Variants in LDAH observed in about 807,000 individuals in gnomAD.
LDAH encodes lipid droplet associated hydrolase, also known as lipid droplet-associated hydrolase.
Under a neutral mutation model 29.6 loss-of-function variants are expected in LDAH, and 26 were observed. That is an observed-to-expected ratio of 0.88 (90% CI 0.64 to 1.22). LDAH has a LOEUF of 1.22. LDAH is among the 50% of genes most tolerant of loss of function. The pLI, the probability that LDAH is intolerant of heterozygous loss-of-function variation, is 0.00. For missense variants in LDAH, 344 were observed against 387.3 expected (o/e 0.89, Z 0.94); for synonymous variants, 117 against 133.0 (o/e 0.88, Z 0.83).
chr2:20,702,402 T>C (rs888204325), intron 5 of LDAH, among the ~76,000 whole-genome samples: 5 of 152,248 alleles, frequency 3.3e-5, no homozygotes, highest in Admixed American at 2.0e-4. Context: ...AGTATGTCTC[T>C]TGAAATCATG....
At chr2:20,809,235 C>CA (rs56974629) in intron 1 of LDAH, among the ~76,000 whole-genome samples, 3,605 of 133,890 alleles carry the variant, frequency 0.027, 65 homozygotes, top group Middle Eastern at 0.072. Context: ...ACTAGAAATA[C>CA]AAAAAAAAAA....
intron 5 of LDAH, among the ~76,000 whole-genome samples, chr2:20,705,775 A>C (rs1179264724): frequency 2.0e-5 from 3 of 152,246 alleles, no homozygotes; most frequent in Non-Finnish European, 4.4e-5. Context: ...ATTAGCAAGA[A>C]CTTAGTGAAA....
intron 3 of LDAH, among the ~76,000 whole-genome samples, chr2:20,790,025 G>T (rs187177651): frequency 1.1e-3 from 169 of 152,226 alleles, no homozygotes; most frequent in African/African-American, 4.0e-3. Flanking sequence ...TTACTAATTG[G>T]TAAATAAAGA....
chr2:20,691,696 TA>T (rs1476342682), intron 6 of LDAH, among the ~76,000 whole-genome samples: 3 of 152,378 alleles, frequency 2.0e-5, no homozygotes, highest in South Asian at 2.1e-4. Context: ...TGAGAGTTGA[TA>T]AAAAGTATAC....
chr2:20,741,454 G>A (rs1236237941), intron 4 of LDAH, among the ~76,000 whole-genome samples: 1 of 152,172 alleles, frequency 6.6e-6, no homozygotes, highest in African/African-American at 2.4e-5. Context: ...TATAAGGTCT[G>A]TGTCTAGATT....
chr2:20,773,692 G>A (rs982174506), intron 4 of LDAH, among the ~76,000 whole-genome samples: 9 of 152,100 alleles, frequency 5.9e-5, no homozygotes, highest in African/African-American at 1.7e-4. Flanking sequence ...AAACCACAGC[G>A]AGGGAGGCTA....
At chr2:20,804,728 A>C (rs938292823) in intron 1 of LDAH, among the ~76,000 whole-genome samples, 11 of 152,298 alleles carry the variant, frequency 7.2e-5, no homozygotes, top group African/African-American at 2.6e-4. Context: ...AGGAAGAAAT[A>C]AACATATTTA....
intron 4 of LDAH, among the ~76,000 whole-genome samples, chr2:20,770,697 C>T (rs943880123): frequency 6.6e-6 from 1 of 152,166 alleles, no homozygotes; most frequent in African/African-American, 2.4e-5. Context: ...ATGAGTCACA[C>T]GAACTTAGCA....
In LDAH at chr2:20,684,992, A is replaced by G. The variant is rs1266721508; in HGVS notation, c.*1911T>C. 9.7e-6 allele frequency: 15 copies of G among 1,540,654 alleles called. No homozygotes were observed. Among genetic ancestry groups the G allele is most frequent in the Non-Finnish European group, 1.2e-5 (14 of 1,141,848 alleles). ...AGAGACTTTGAGCCGAGTCTAACTC[A>G]GGAGAACTGCTCAAATTGTACCCTC... is the stretch of plus-strand genomic sequence containing the variant. On this transcript the variant is annotated 3_prime_UTR_variant, in exon 7 of 7. Transcript: ENST00000237822.
At chr2:20,741,672 A>G (rs112209105) in intron 4 of LDAH, among the ~76,000 whole-genome samples, 4,852 of 152,190 alleles carry the variant, frequency 0.032, 263 homozygotes, top group African/African-American at 0.11. Context: ...TCTACTCCCC[A>G]CTTTATAAGT....
At chr2:20,712,463 A>G (rs1036473236) in intron 5 of LDAH, among the ~76,000 whole-genome samples, 1 of 152,114 alleles carries the variant, frequency 6.6e-6, no homozygotes, top group African/African-American at 2.4e-5. Flanking sequence ...AATTCTAAAA[A>G]CCAGAGTGGC....
intron 4 of LDAH, among the ~76,000 whole-genome samples, chr2:20,766,364 A>C (rs1328604695): frequency 6.6e-6 from 1 of 152,176 alleles, no homozygotes; most frequent in African/African-American, 2.4e-5. Flanking sequence ...TGAGGAGTGA[A>C]AATTTTCACT....
chr2:20,687,268 C>T (rs1662631559), intron 6 of LDAH, among the ~76,000 whole-genome samples, 174 bp from the exon 7 acceptor site: 2 of 152,198 alleles, frequency 1.3e-5, no homozygotes, highest in Non-Finnish European at 2.9e-5. Context: ...TCACGATGTA[C>T]AGGAGTGCAC....
Position 20,711,126 on chromosome 2 carries a change from C to T in LDAH, c.704-9474G>A, listed in dbSNP as rs111764128. Among the ~76,000 whole-genome samples, 158 of 152,056 alleles carry T rather than the reference C, an allele frequency of 1.0e-3. 4 individuals are homozygous for T. The highest frequency in any genetic ancestry group is 3.8e-4 in the Non-Finnish European group (26 of 68,016). Reference sequence around the variant, plus strand: ...GCCTTTAAAGAGTAGAGAAGTGTCACGCCTGTAATCCCAGCACTTTGGGAG... The same window carrying T: ...GCCTTTAAAGAGTAGAGAAGTGTCATGCCTGTAATCCCAGCACTTTGGGAG... On this transcript the variant is annotated intron_variant, in intron 5 of 6. Coordinates refer to ENST00000237822, the MANE Select transcript of LDAH (RefSeq NM_021925.4).
intron 5 of LDAH, 46 bp downstream of exon 5, chr2:20,739,925 T>C (rs1231877913): frequency 7.0e-7 from 1 of 1,436,818 alleles, no homozygotes; most frequent in South Asian, 1.2e-5. Context: ...GTGTAAACAT[T>C]TTGTGATACA....
intron 3 of LDAH, among the ~76,000 whole-genome samples, chr2:20,779,519 CA>C (rs888249224): frequency 2.7e-5 from 4 of 150,934 alleles, no homozygotes; most frequent in African/African-American, 7.3e-5. Flanking sequence ...TTCAAATACA[CA>C]AAAAAATAAT....
intron 4 of LDAH, among the ~76,000 whole-genome samples, chr2:20,761,700 T>C (rs1490914888): frequency 6.6e-6 from 1 of 152,172 alleles, no homozygotes; most frequent in African/African-American, 2.4e-5. Flanking sequence ...TGTTCACTAT[T>C]TGGGTAACTG....
intron 4 of LDAH, among the ~76,000 whole-genome samples, chr2:20,762,959 T>C (rs943520973): frequency 1.3e-5 from 2 of 152,232 alleles, no homozygotes; most frequent in African/African-American, 2.4e-5. Context: ...AAGCGTCAGA[T>C]TGAGAACTTA....
chr2:20,697,668 C>T (rs1572416737), intron 6 of LDAH, among the ~76,000 whole-genome samples: 1 of 152,222 alleles, frequency 6.6e-6, no homozygotes, highest in East Asian at 1.9e-4. Flanking sequence ...AGGCCAGTGC[C>T]TAAGCCACAA....
Sources: gnomAD v4.1 joint callset for allele counts (sites outside exome capture counted in the v4.1 genomes callset) on GRCh38, gnomAD v4.1.1 for gene constraint, MANE v1.5 for transcripts, NCBI Gene and HGNC (gene_info 2026-07-23, HGNC 2026-07-21) for gene names.